The following EPHA10 variants were observed in gnomAD, a reference collection of about 807,000 sequenced individuals.
The protein encoded by EPHA10 is ephrin type-A receptor 10.
Under a neutral mutation model 109.7 loss-of-function variants are expected in EPHA10, and 120 were observed. The ratio of observed to expected loss-of-function variants is 1.09; its 90% CI spans 0.94 to 1.27. The LOEUF (loss-of-function observed/expected upper bound fraction) is 1.27. Ranked by LOEUF, EPHA10 falls within the 50% of genes most tolerant of loss-of-function variation. The pLI, the probability that EPHA10 is intolerant of heterozygous loss-of-function variation, is 0.00. For synonymous variants in EPHA10, 640 were observed against 618.9 expected, an observed-to-expected ratio of 1.03 and a Z score of -0.51; for missense variants, 1,396 against 1,411.1, an observed-to-expected ratio of 0.99 and a Z score of 0.17.
intron 7 of EPHA10, among the ~76,000 whole-genome samples, chr1:37,729,236 C>A (rs1251824247): frequency 2.0e-5 from 3 of 152,190 alleles, no homozygotes; most frequent in Non-Finnish European, 4.4e-5. Flanking sequence ...ATCACAGCCC[C>A]TGAGGACAAC....
chr1:37,755,823 C>T (rs1646388778), intron 3 of EPHA10, among the ~76,000 whole-genome samples: 1 of 152,186 alleles, frequency 6.6e-6, no homozygotes, highest in Admixed American at 6.5e-5. Context: ...CCAGTTGGTT[C>T]CTGGCCCTAC....
rs1344130102 is a variant in EPHA10, at chr1:37,764,554, C to A, written c.106+407G>T. Among the ~76,000 whole-genome samples the A allele has an allele frequency of 1.3e-5, 2 of 152,236 alleles. No individual in the cohort carries two copies. Among genetic ancestry groups the A allele is most frequent in the East Asian group, 3.9e-4 (2 of 5,158 alleles). ...CACCTTCTGTTGGCCACACTGTGGT[C>A]TCCTAGCCCCTGTAGTCCGGGCTCC... On this transcript the variant is annotated intron_variant, in intron 1 of 16. Coordinates refer to ENST00000373048, the MANE Select transcript of EPHA10 (RefSeq NM_001099439.2). This position sits in a 1 kb window ranked among gnomAD's most constrained non-coding sequence, Gnocchi z 5.8.
At chr1:37,720,638 G>C in intron 12 of EPHA10, 84 bp from the exon 13 acceptor site, 1 of 1,532,280 alleles carries the variant, frequency 6.5e-7, no homozygotes, top group Non-Finnish European at 8.9e-7. Flanking sequence ...CCTAGCTCTC[G>C]CCAGGCTTTA....
At chr1:37,760,618 G>C (rs1468971935) in intron 3 of EPHA10, 1 of 246,198 alleles carries the variant, frequency 4.1e-6, no homozygotes, top group Non-Finnish European at 7.5e-6. Flanking sequence ...CTAGCCTGAA[G>C]ATTGGGCTGC....
At chr1:37,748,000 C>G (rs746153930) in intron 5 of EPHA10, among the ~76,000 whole-genome samples, 37 of 152,060 alleles carry the variant, frequency 2.4e-4, no homozygotes, top group Non-Finnish European at 4.4e-4. Context: ...AGAAAAAGAA[C>G]ACCAAAATAT....
chr1:37,736,706 T>C (rs1010594737), intron 5 of EPHA10, among the ~76,000 whole-genome samples: 2 of 151,758 alleles, frequency 1.3e-5, no homozygotes, highest in African/African-American at 4.8e-5. Flanking sequence ...AGACTCCATC[T>C]CAAAAAAATA....
chr1:37,727,027 A>G, intron 8 of EPHA10, 75 bp downstream of exon 8: 2 of 1,198,110 alleles, frequency 1.7e-6, no homozygotes. Context: ...GTGGGCAGAG[A>G]TGCCTGTGAG....
intron 16 of EPHA10, 58 bp downstream of exon 16, chr1:37,718,603 G>A (rs1283677598): frequency 6.2e-7 from 1 of 1,612,576 alleles, no homozygotes; most frequent in Non-Finnish European, 8.5e-7. Context: ...AGTATAGGCA[G>A]GGGCAGGGCC....
At chr1:37,737,943 T>C (rs1646094787) in intron 5 of EPHA10, 1 of 90,544 alleles carries the variant, frequency 1.1e-5, no homozygotes, top group Non-Finnish European at 2.1e-5. Context: ...TTTTTTTTTT[T>C]TTTTTTTTTT....
chr1:37,720,143 C>A (rs12131931), intron 13 of EPHA10, 85 bp from the exon 14 acceptor site: 243,216 of 1,540,272 alleles, frequency 0.16, 20,267 homozygotes, highest in Non-Finnish European at 0.17. Flanking sequence ...ATCCAGCCTG[C>A]ATGTCATCCT....
chr1:37,719,529 C>T lies in EPHA10; in HGVS notation c.2641G>A (p.Asp881Asn), dbSNP rs377304713. ...TCACCTGGGTCCTTCTGCCAGCAGT[C>T]GAGCATTAGTCGGTGCAGAAGGTTA... ...CPNLLHRLML[D>N]CWQKDPGERP... The change falls in exon 15 of 17, where the codon GAC becomes AAC. Residue 881 changes from aspartate (D) to asparagine (N), a missense_variant. Coordinates refer to ENST00000373048, the MANE Select transcript of EPHA10 (RefSeq NM_001099439.2). 11 of 1,613,894 alleles carry T rather than the reference C, an allele frequency of 6.8e-6. No homozygotes were observed. Among genetic ancestry groups the T allele is most frequent in the African/African-American group, 2.7e-5 (2 of 74,874 alleles).
chr1:37,751,977 A>G (rs2148363187), intron 5 of EPHA10, among the ~76,000 whole-genome samples: 1 of 152,298 alleles, frequency 6.6e-6, no homozygotes, highest in African/African-American at 2.4e-5. Flanking sequence ...TAAGTAGAAA[A>G]GAATGAAAAT....
chr1:37,721,999 C>T (rs1645806533), intron 10 of EPHA10, 154 bp from the exon 11 acceptor site: 1 of 677,388 alleles, frequency 1.5e-6, no homozygotes, highest in Non-Finnish European at 2.3e-6. Context: ...GACAAGGTGG[C>T]ACATGCCTGT....
chr1:37,736,619 A>T (rs1315767061), intron 5 of EPHA10, among the ~76,000 whole-genome samples: 2 of 151,474 alleles, frequency 1.3e-5, no homozygotes, highest in Non-Finnish European at 2.9e-5. Flanking sequence ...GAGGCAGGGG[A>T]ATCACTTGAA....
At chr1:37,747,388 CA>C (rs1013419470) in intron 5 of EPHA10, among the ~76,000 whole-genome samples, 5 of 151,740 alleles carry the variant, frequency 3.3e-5, no homozygotes, top group Non-Finnish European at 7.4e-5. Context: ...CCCATCTCTA[CA>C]AAAAACACAA....
intron 3 of EPHA10, among the ~76,000 whole-genome samples, chr1:37,758,897 C>G (rs1442572149): frequency 6.6e-6 from 1 of 152,200 alleles, no homozygotes; most frequent in African/African-American, 2.4e-5. Context: ...AATGATCCCT[C>G]TGTCCATTCA....
rs188528832 is a variant in EPHA10 at position 37,723,029 on chromosome 1, C to A, written c.1960+12G>T. On this transcript the variant is annotated intron_variant, in intron 10 of 16. Transcript: ENST00000373048. Reference sequence around the variant, plus strand: ...CCAGATGGGGACAAGGCTTCCTGGGCGCCCAGCTTGCCTCCTCCAAGGCTC... The same window carrying A: ...CCAGATGGGGACAAGGCTTCCTGGGAGCCCAGCTTGCCTCCTCCAAGGCTC... 3 of 1,613,988 alleles carry A rather than the reference C, an allele frequency of 1.9e-6. No homozygotes were observed. The highest frequency in any genetic ancestry group is 2.5e-6 in the Non-Finnish European group (3 of 1,180,028).
At chr1:37,724,724 G>T (rs570064716) in intron 8 of EPHA10, among the ~76,000 whole-genome samples, 1 of 152,194 alleles carries the variant, frequency 6.6e-6, no homozygotes, top group Non-Finnish European at 1.5e-5. Context: ...GGAAGGAGGA[G>T]CTAGGCTGTC....
At chr1:37,741,060 C>T (rs1646145758) in intron 5 of EPHA10, among the ~76,000 whole-genome samples, 1 of 152,164 alleles carries the variant, frequency 6.6e-6, no homozygotes, top group Non-Finnish European at 1.5e-5. Flanking sequence ...AAGGTTCCCT[C>T]CTGACTTTTC....
Sources: gnomAD v4.1 joint callset for allele counts (sites outside exome capture counted in the v4.1 genomes callset) on GRCh38, gnomAD v4.1.1 for gene constraint, Gnocchi (gnomAD v3.1) non-coding constraint, MANE v1.5 for transcripts, NCBI Gene and HGNC (gene_info 2026-07-23, HGNC 2026-07-21) for gene names.